Variants in SMIM10L3 observed in about 807,000 individuals in gnomAD.
SMIM10L3 encodes the protein small integral membrane protein 10 like 3.
the SMIM10L3 span, chr7:6,348,908 G>T: frequency 2.6e-6 from 1 of 385,426 alleles, no homozygotes; most frequent in African/African-American, 2.1e-5. Context: ...GAGTCCGCAC[G>T]TCACGCTCGG....
the SMIM10L3 span, among the ~76,000 whole-genome samples, chr7:6,336,317 C>T: frequency 3.9e-5 from 6 of 152,132 alleles, no homozygotes; most frequent in Non-Finnish European, 8.8e-5. Context: ...CACTATACTC[C>T]AGCCTGCGCA....
the SMIM10L3 span, among the ~76,000 whole-genome samples, chr7:6,347,914 T>TTATTA: frequency 2.7e-5 from 4 of 147,016 alleles, no homozygotes; most frequent in African/African-American, 4.9e-5. Context: ...ATTATTATTA[T>TTATTA]TATTATTATT....
At chr7:6,341,065 A>C in the SMIM10L3 span, among the ~76,000 whole-genome samples, 3 of 149,794 alleles carry the variant, frequency 2.0e-5, no homozygotes, top group African/African-American at 7.4e-5. Flanking sequence ...AATGGCATGA[A>C]CCCAGGAGGT....
the SMIM10L3 span, chr7:6,331,110 CA>C: frequency 6.2e-7 from 1 of 1,613,238 alleles, no homozygotes; most frequent in Non-Finnish European, 8.5e-7. Context: ...CGGCCTGCTG[CA>C]CTTGTGCCAG....
chr7:6,348,759 A>C, the SMIM10L3 span: 1 of 400,000 alleles, frequency 2.5e-6, no homozygotes, highest in African/African-American at 2.1e-5. Context: ...CCGCCGCCAT[A>C]TAGAGACCGG....
chr7:6,337,664 TA>T, the SMIM10L3 span, among the ~76,000 whole-genome samples: 1 of 151,602 alleles, frequency 6.6e-6, no homozygotes, highest in African/African-American at 2.4e-5. Flanking sequence ...CTCAGAAACA[TA>T]AAAAAATTCA....
chr7:6,345,365 TCA>T, the SMIM10L3 span, among the ~76,000 whole-genome samples: 1 of 152,096 alleles, frequency 6.6e-6, no homozygotes, highest in South Asian at 2.1e-4. Context: ...TCCTCCCACC[TCA>T]GTCTCCCAAA....
At chr7:6,334,159 C>CT in the SMIM10L3 span, among the ~76,000 whole-genome samples, 1 of 151,342 alleles carries the variant, frequency 6.6e-6, no homozygotes, top group East Asian at 2.0e-4. Flanking sequence ...CTCCTGGTCT[C>CT]TTAAGTGCTC....
At chr7:6,348,654 G>A in the SMIM10L3 span, 3 of 511,374 alleles carry the variant, frequency 5.9e-6, no homozygotes, top group South Asian at 2.9e-5. Flanking sequence ...CCAGGTCGAA[G>A]AAGATGAGCA....
At chr7:6,338,058 C>T in the SMIM10L3 span, among the ~76,000 whole-genome samples, 1 of 152,154 alleles carries the variant, frequency 6.6e-6, no homozygotes, top group Non-Finnish European at 1.5e-5. Flanking sequence ...CCTGCCTCAG[C>T]CTCCCAAAGC....
chr7:6,342,907 C>T, the SMIM10L3 span, among the ~76,000 whole-genome samples: 2 of 151,834 alleles, frequency 1.3e-5, no homozygotes, highest in African/African-American at 4.8e-5. Flanking sequence ...CATGGTGGCA[C>T]ATGCCTGTAG....
At chr7:6,330,867 T>C in the SMIM10L3 span, 46 of 1,614,154 alleles carry the variant, frequency 2.8e-5, 1 homozygote, top group African/African-American at 3.1e-4. Context: ...GAGTGGCTGC[T>C]GAGGCTGGAT....
the SMIM10L3 span, among the ~76,000 whole-genome samples, chr7:6,331,943 G>C: frequency 1.3e-5 from 2 of 151,286 alleles, no homozygotes; most frequent in African/African-American, 2.4e-5. Context: ...ATGAGGGTTC[G>C]CCATGTTGGC....
At chr7:6,340,209 G>C in the SMIM10L3 span, among the ~76,000 whole-genome samples, 3 of 152,248 alleles carry the variant, frequency 2.0e-5, no homozygotes, top group South Asian at 2.1e-4. Context: ...GTGAAGATTC[G>C]ATGTATGAGA....
chr7:6,340,584 A>C, the SMIM10L3 span, among the ~76,000 whole-genome samples: 1 of 152,102 alleles, frequency 6.6e-6, no homozygotes, highest in African/African-American at 2.4e-5. Context: ...ACAGACTCGA[A>C]GGAGGGCAGG....
At chr7:6,335,119 G>C in the SMIM10L3 span, among the ~76,000 whole-genome samples, 3 of 151,734 alleles carry the variant, frequency 2.0e-5, no homozygotes, top group African/African-American at 7.2e-5. Flanking sequence ...CTGGACCGTA[G>C]TGGTGCAATC....
the SMIM10L3 span, among the ~76,000 whole-genome samples, chr7:6,336,390 A>C: frequency 6.6e-6 from 1 of 151,380 alleles, no homozygotes; most frequent in East Asian, 2.0e-4. Context: ...AACCACATAA[A>C]AGAATACAGG....
At chr7:6,340,595 T>G in the SMIM10L3 span, among the ~76,000 whole-genome samples, 4 of 151,808 alleles carry the variant, frequency 2.6e-5, no homozygotes, top group Non-Finnish European at 5.9e-5. Context: ...GGAGGGCAGG[T>G]TGACAATGAC....
At chr7:6,334,138 A>T in the SMIM10L3 span, among the ~76,000 whole-genome samples, 5 of 150,770 alleles carry the variant, frequency 3.3e-5, no homozygotes, top group Non-Finnish European at 7.4e-5. Flanking sequence ...GAGCCACCGC[A>T]CCCAGCCGAA....
Sources: allele counts gnomAD v4.1 joint callset (sites outside exome capture counted in the v4.1 genomes callset), GRCh38; gene constraint gnomAD v4.1.1; transcripts MANE v1.5; gene names NCBI Gene and HGNC (gene_info 2026-07-23, HGNC 2026-07-21).